Variants in SMR3A observed in about 807,000 individuals in gnomAD.
SMR3A encodes the protein submaxillary gland androgen regulated protein 3A.
For missense variants in SMR3A, 188 were observed against 163.0 expected (o/e 1.15, Z -0.84); for synonymous variants, 48 against 57.4 (o/e 0.84, Z 0.74).
chr4:70,366,227 T>C (rs1334867161), intron 2 of SMR3A, among the ~76,000 whole-genome samples: 1 of 138,284 alleles, frequency 7.2e-6, no homozygotes, highest in Non-Finnish European at 1.7e-5. Context: ...CATTGCTGTA[T>C]TTTTTTTTTC....
intron 1 of SMR3A, among the ~76,000 whole-genome samples, chr4:70,361,054 A>G (rs1291873892): frequency 2.6e-5 from 4 of 151,938 alleles, no homozygotes; most frequent in African/African-American, 7.2e-5. Flanking sequence ...CCACCCAAGT[A>G]CACAATTGAC....
In SMR3A at chr4:70,366,962, A is replaced by G; in HGVS notation, c.373A>G (p.Thr125Ala). The change falls in exon 3 of 3, where the codon ACT (threonine) becomes GCT (alanine). Residue 125 changes from threonine (T) to alanine (A), a missense_variant. Transcript: ENST00000226460. Reference protein sequence around the residue: ...GPPFFPVNSPTDPALPTPAP With the variant: ...GPPFFPVNSPADPALPTPAP ...TCCATTTTTCCCTGTAAATTCTCCA[A>G]CTGATCCTGCCCTCCCTACTCCTGC... The G allele has an allele frequency of 6.2e-7, 1 of 1,613,440 alleles. No homozygotes were observed. The highest frequency in any genetic ancestry group is 8.5e-7 in the Non-Finnish European group (1 of 1,179,670).
In SMR3A at chr4:70,366,759, C is replaced by T. The variant is rs1323650056; in HGVS notation, c.170C>T (p.Pro57Leu). The T allele has an allele frequency of 2.5e-6, 4 of 1,613,182 alleles. No homozygotes were observed. The highest frequency in any genetic ancestry group is 1.3e-5 in the African/African-American group (1 of 74,850). Residue 57 changes from proline to leucine, a missense_variant, in exon 3 of 3, where the codon CCC becomes CTC. Pro to Leu is a moderately conservative substitution (Grantham distance 98). Transcript: ENST00000226460. ...TTTGTTCCACCACCCCATCCTCCAC[C>T]CTATGGTCCAGGGAGATTTCCACCA... ...TGFVPPPHPP[P>L]YGPGRFPPPL...
chr4:70,366,530 G>A (rs1732265125), intron 2 of SMR3A, 114 bp from the exon 3 acceptor site: 2 of 977,880 alleles, frequency 2.0e-6, no homozygotes, highest in Non-Finnish European at 3.0e-6. Context: ...TGTGCCAGCA[G>A]GGAGTAGAAA....
Position 70,367,046 on chromosome 4 carries a change from C to G in SMR3A, c.*52C>G, listed in dbSNP as rs768769471. On this transcript the variant is annotated 3_prime_UTR_variant, in exon 3 of 3. Coordinates refer to ENST00000226460, the MANE Select transcript of SMR3A (RefSeq NM_012390.4). Reference sequence around the variant, plus strand: ...CACCCACAAAAGACAACACTACCCTCGTAACTACTGCTTCTACTACCCAAA... The same window carrying G: ...CACCCACAAAAGACAACACTACCCTGGTAACTACTGCTTCTACTACCCAAA... 2.2e-5 allele frequency: 32 copies of G among 1,473,050 alleles called. No individual in the cohort carries two copies. The South Asian group carries it at 3.3e-4, about 15-fold the overall frequency. The allele number at this position is 1,473,050 out of a possible 1,614,324, so 91.2% of individuals were successfully genotyped here.
rs1013387918 is a variant in SMR3A, at chr4:70,366,583, C to A, written c.55-61C>A. The A allele has an allele frequency of 1.1e-5, 16 of 1,437,436 alleles. No homozygotes were observed. The Admixed American group carries it at 3.3e-4, about 30-fold the overall frequency. 89.0% of individuals were successfully genotyped at this position (1,437,436 alleles called of 1,614,324 possible). Reference sequence around the variant, plus strand: ...AGTTCTGCTTACCATAGAAACCATTCACCCTTATATTTAACTGTGAAATAT... The same window carrying A: ...AGTTCTGCTTACCATAGAAACCATTAACCCTTATATTTAACTGTGAAATAT... On this transcript the variant is annotated intron_variant, in intron 2 of 2. Transcript: ENST00000226460.
chr4:70,363,332 G>A (rs1267643091), intron 2 of SMR3A, among the ~76,000 whole-genome samples: 2 of 151,946 alleles, frequency 1.3e-5, no homozygotes, highest in East Asian at 1.9e-4. Flanking sequence ...GAAATGTGAA[G>A]GGTAGCATGT....
intron 2 of SMR3A, among the ~76,000 whole-genome samples, chr4:70,365,685 A>G (rs1362346567): frequency 6.6e-6 from 1 of 151,996 alleles, no homozygotes; most frequent in African/African-American, 2.4e-5. Flanking sequence ...CAGCCTGTGG[A>G]TTCATAGAAG....
chr4:70,365,286 AG>A (rs1732235582), intron 2 of SMR3A, among the ~76,000 whole-genome samples: 1 of 151,982 alleles, frequency 6.6e-6, no homozygotes, highest in African/African-American at 2.4e-5. Flanking sequence ...TATGTTGTCC[AG>A]GTTGGTCTTG....
intron 2 of SMR3A, among the ~76,000 whole-genome samples, chr4:70,365,899 A>G (rs4123914): frequency 0.95 from 144,046 of 152,136 alleles, 68,269 homozygotes; most frequent in East Asian, 1. Context: ...ATTTCCATTT[A>G]GAATTTGGAA....
At chr4:70,362,539 T>A (rs1371073501) in intron 2 of SMR3A, among the ~76,000 whole-genome samples, 1 of 149,498 alleles carries the variant, frequency 6.7e-6, no homozygotes, top group Non-Finnish European at 1.5e-5. Context: ...AAATATAGTA[T>A]TAAAGTCCTC....
At position 70,366,841 on chromosome 4, in the gene SMR3A, T is replaced by G; in HGVS notation, c.252T>G (p.Tyr84Ter). Residue 84 changes from tyrosine (Y) to a stop codon, truncating the protein, a stop_gained, in exon 3 of 3, where the codon TAT becomes TAG. Transcript: ENST00000226460. LOFTEE classifies it low-confidence loss of function (END_TRUNC). ...GRIPPSPPPP[Y>*]GPGRIQSHSL... Reference sequence around the variant, plus strand: ...TCCCACCATCCCCTCCTCCACCCTATGGTCCAGGGAGAATTCAATCACACT... The same window carrying G: ...TCCCACCATCCCCTCCTCCACCCTAGGGTCCAGGGAGAATTCAATCACACT... The G allele has an allele frequency of 6.2e-7, 1 of 1,613,576 alleles. No individual in the cohort carries two copies. Among genetic ancestry groups the G allele is most frequent in the Non-Finnish European group, 8.5e-7 (1 of 1,179,766 alleles).
chr4:70,365,587 C>T (rs1390853616), intron 2 of SMR3A, among the ~76,000 whole-genome samples: 4 of 151,958 alleles, frequency 2.6e-5, no homozygotes, highest in Non-Finnish European at 5.9e-5. Context: ...AAGGAGAGCT[C>T]AAACACTGGC....
At chr4:70,364,010 TTG>T (rs1732204251) in intron 2 of SMR3A, among the ~76,000 whole-genome samples, 2 of 152,062 alleles carry the variant, frequency 1.3e-5, no homozygotes, top group South Asian at 4.1e-4. Flanking sequence ...TTGGAATTTT[TTG>T]TTTGTTTCAT....
intron 2 of SMR3A, among the ~76,000 whole-genome samples, chr4:70,364,257 C>T (rs1732212641): frequency 6.6e-6 from 1 of 151,884 alleles, no homozygotes; most frequent in Non-Finnish European, 1.5e-5. Context: ...TGTCTTCGAC[C>T]TCTCTGTACG....
chr4:70,362,561 A>AATAAGAGTATCCC (rs141882225), intron 2 of SMR3A, among the ~76,000 whole-genome samples: 24,434 of 151,750 alleles, frequency 0.16, 2,804 homozygotes, highest in African/African-American at 0.33. Flanking sequence ...TCCAAGCCTG[A>AATAAGAGTATCCC]ATAATAGGAC....
chr4:70,362,183 A>G lies in SMR3A; in HGVS notation c.54+14A>G. 1 of 1,611,712 alleles carries G rather than the reference A, an allele frequency of 6.2e-7. No individual in the cohort carries two copies. Among genetic ancestry groups the G allele is most frequent in the Non-Finnish European group, 8.5e-7 (1 of 1,178,284 alleles). On this transcript the variant is annotated intron_variant, in intron 2 of 2. Transcript: ENST00000226460. Reference sequence around the variant, plus strand: ...GCGTGTTTCACAGTAAGTATCATTAATCACGATCACACATCTTTATACTTT... The same window carrying G: ...GCGTGTTTCACAGTAAGTATCATTAGTCACGATCACACATCTTTATACTTT...
intron 2 of SMR3A, among the ~76,000 whole-genome samples, chr4:70,363,370 G>A (rs1175342436): frequency 6.6e-6 from 1 of 151,816 alleles, no homozygotes; most frequent in Admixed American, 6.6e-5. Flanking sequence ...TTGTAGATGG[G>A]GTAAGTCATC....
Position 70,366,814 on chromosome 4 carries a change from A to G in SMR3A, c.225A>G (p.Arg75=). 5 of 1,613,036 alleles carry G rather than the reference A, an allele frequency of 3.1e-6. No individual in the cohort carries two copies. Among genetic ancestry groups the G allele is most frequent in the Non-Finnish European group, 4.2e-6 (5 of 1,179,618 alleles). ...PPLSPPYGPG[R]IPPSPPPPYG... ...TTTCTCCACCCTATGGTCCAGGGAG[A>G]ATCCCACCATCCCCTCCTCCACCCT... is the stretch of plus-strand genomic sequence containing the variant. The change falls in exon 3 of 3, where the codon AGA becomes AGG. Residue 75 remains arginine, a synonymous_variant. Coordinates refer to ENST00000226460, the MANE Select transcript of SMR3A (RefSeq NM_012390.4).
Sources: gnomAD v4.1 joint callset for allele counts (sites outside exome capture counted in the v4.1 genomes callset) on GRCh38, gnomAD v4.1.1 for gene constraint, MANE v1.5 for transcripts, NCBI Gene and HGNC (gene_info 2026-07-23, HGNC 2026-07-21) for gene names.